The following PCDH11Y variants were observed in gnomAD, a reference collection of about 807,000 sequenced individuals.
PCDH11Y encodes protocadherin-11 Y-linked.
For synonymous variants in PCDH11Y, 9 were observed against 83.6 expected, an observed-to-expected ratio of 0.11 and a Z score of 4.87; for missense variants, 12 against 224.8, an observed-to-expected ratio of 0.05 and a Z score of 6.05.
chrY:5,435,377 A>G (rs371608556), intron 2 of PCDH11Y, among the ~76,000 whole-genome samples: 8 of 25,359 alleles, frequency 3.2e-4, no homozygotes, highest in East Asian at 2.1e-3. Context: ...GCAGTGGCGC[A>G]ATCTCGGCTC....
At chrY:5,696,630 A>T (rs2053572665) in intron 4 of PCDH11Y, among the ~76,000 whole-genome samples, 1 of 31,852 alleles carries the variant, frequency 3.1e-5, no homozygotes, top group Admixed American at 2.9e-4. Flanking sequence ...CTCTGATCTT[A>T]GTTATTTCTT....
chrY:5,023,677 C>T, intron 1 of PCDH11Y, among the ~76,000 whole-genome samples: 1 of 33,257 alleles, frequency 3.0e-5, no homozygotes, highest in Non-Finnish European at 7.5e-5. Context: ...GAAAAGGATT[C>T]TCTCTCAGCT....
intron 2 of PCDH11Y, among the ~76,000 whole-genome samples, chrY:5,270,052 A>C (rs2124659343): frequency 6.7e-5 from 2 of 29,712 alleles, no homozygotes; most frequent in Non-Finnish European, 1.6e-4. Flanking sequence ...CTAACACAGG[A>C]AATCTCTGGT....
At chrY:5,133,417 GTGTATAATTA>G in intron 2 of PCDH11Y, among the ~76,000 whole-genome samples, 1 of 31,593 alleles carries the variant, frequency 3.2e-5, no homozygotes, top group South Asian at 7.2e-4. Context: ...TATAGTAAGT[GTGTATAATTA>G]TGGGCTACAT....
At chrY:5,121,687 A>G (rs2052818404) in intron 2 of PCDH11Y, among the ~76,000 whole-genome samples, 1 of 32,846 alleles carries the variant, frequency 3.0e-5, no homozygotes, top group East Asian at 8.1e-4. Flanking sequence ...AATTATATAT[A>G]TATACATATA....
intron 2 of PCDH11Y, among the ~76,000 whole-genome samples, chrY:5,422,446 A>G (rs2053259065): frequency 3.4e-5 from 1 of 29,560 alleles, no homozygotes; most frequent in Admixed American, 3.2e-4. Flanking sequence ...AATACATCCT[A>G]AGAATGATAT....
chrY:5,385,019 C>G, intron 2 of PCDH11Y, among the ~76,000 whole-genome samples: 2 of 30,853 alleles, frequency 6.5e-5, no homozygotes, highest in Non-Finnish European at 1.6e-4. Context: ...GGAGCTCAGC[C>G]CAAAACAATG....
At chrY:5,566,093 C>A in intron 3 of PCDH11Y, among the ~76,000 whole-genome samples, 1 of 26,992 alleles carries the variant, frequency 3.7e-5, no homozygotes. Flanking sequence ...CCTGTCTCAG[C>A]CTCCCAAGTA....
intron 2 of PCDH11Y, among the ~76,000 whole-genome samples, chrY:5,146,284 G>A: frequency 6.0e-5 from 2 of 33,461 alleles, no homozygotes; most frequent in Non-Finnish European, 1.5e-4. Flanking sequence ...CACAAAAGCT[G>A]AGGACCCCTG....
intron 2 of PCDH11Y, among the ~76,000 whole-genome samples, chrY:5,229,149 G>T: frequency 3.3e-5 from 1 of 30,648 alleles, no homozygotes; most frequent in East Asian, 8.2e-4. Flanking sequence ...TTGTGAAATT[G>T]ACCCCATTAT....
At chrY:5,715,130 C>T (rs2124713449) in intron 4 of PCDH11Y, among the ~76,000 whole-genome samples, 1 of 33,774 alleles carries the variant, frequency 3.0e-5, no homozygotes, top group East Asian at 7.8e-4. Flanking sequence ...TTCAACTATA[C>T]CGAAGATGGT....
chrY:5,248,798 A>G (rs2053000208), intron 2 of PCDH11Y, among the ~76,000 whole-genome samples: 1 of 33,010 alleles, frequency 3.0e-5, no homozygotes, highest in Non-Finnish European at 7.4e-5. Context: ...CTCTGTTTGC[A>G]GACAACATGA....
chrY:5,069,610 AT>A (rs2052695830), intron 1 of PCDH11Y, among the ~76,000 whole-genome samples: 16 of 28,434 alleles, frequency 5.6e-4, no homozygotes, highest in African/African-American at 2.1e-3. Flanking sequence ...TAAGAGAGGA[AT>A]TTTTTTTTTG....
At chrY:5,249,726 C>CAA in intron 2 of PCDH11Y, among the ~76,000 whole-genome samples, 1 of 29,050 alleles carries the variant, frequency 3.4e-5, no homozygotes, top group African/African-American at 1.3e-4. Flanking sequence ...TTCTGCACAG[C>CAA]AAAAAAAAAA....
chrY:5,067,941 A>G (rs2052690592), intron 1 of PCDH11Y, among the ~76,000 whole-genome samples: 1 of 22,031 alleles, frequency 4.5e-5, no homozygotes, highest in Admixed American at 5.4e-4. Context: ...TGAACCCGGG[A>G]GGCGGAGCTT....
chrY:5,333,613 A>G (rs2053133316), intron 2 of PCDH11Y, among the ~76,000 whole-genome samples: 1 of 32,634 alleles, frequency 3.1e-5, no homozygotes, highest in Non-Finnish European at 7.5e-5. Flanking sequence ...GTTTTTAAAG[A>G]TAACTTGGGC....
chrY:5,481,145 T>G, intron 2 of PCDH11Y, among the ~76,000 whole-genome samples: 1 of 32,329 alleles, frequency 3.1e-5, no homozygotes, highest in Non-Finnish European at 7.6e-5. Context: ...AGCCACCCAA[T>G]TTTTGGCTTG....
chrY:5,296,817 G>A, intron 2 of PCDH11Y, among the ~76,000 whole-genome samples: 1 of 31,159 alleles, frequency 3.2e-5, no homozygotes, highest in East Asian at 8.7e-4. Context: ...AAGAGCCTAG[G>A]CGTGAACTCA....
At chrY:5,222,739 T>C (rs2052955682) in intron 2 of PCDH11Y, among the ~76,000 whole-genome samples, 7 of 31,772 alleles carry the variant, frequency 2.2e-4, no homozygotes, top group Admixed American at 2.0e-3. Flanking sequence ...TCAAGTGATC[T>C]GCCCACCTCG....
Sources: allele counts gnomAD v4.1 joint callset (sites outside exome capture counted in the v4.1 genomes callset), GRCh38; gene constraint gnomAD v4.1.1; transcripts MANE v1.5; gene names NCBI Gene and HGNC (gene_info 2026-07-23, HGNC 2026-07-21).